FES: variants seen among roughly 807,000 people sequenced by gnomAD.
The protein encoded by FES is tyrosine-protein kinase Fes/Fps.
FES carries 83 observed loss-of-function variants against 109.6 expected under a neutral mutation model. That is an observed-to-expected ratio of 0.76 (90% CI 0.63 to 0.91). FES has a LOEUF of 0.91. FES is among the 40% of genes least tolerant of loss of function. The pLI is 0.00. For missense variants in FES, 943 were observed against 1,070.9 expected, an observed-to-expected ratio of 0.88 and a Z score of 1.67; for synonymous variants, 458 against 442.1, an observed-to-expected ratio of 1.04 and a Z score of -0.45.
intron 10 of FES, 60 bp from the exon 11 acceptor site, chr15:90,890,922 C>A: frequency 6.7e-7 from 1 of 1,488,788 alleles, no homozygotes. Flanking sequence ...CCCCCGGCTG[C>A]CCCCACGGCC....
chr15:90,888,983 G>C (rs1360025327), intron 5 of FES, among the ~76,000 whole-genome samples: 1 of 151,928 alleles, frequency 6.6e-6, no homozygotes, highest in African/African-American at 2.4e-5. Flanking sequence ...GTAGAGATGG[G>C]GTTTCACCAC....
rs757038304 is a variant in FES at position 90,886,932 on chromosome 15, C to T, written c.388-29C>T. 6.8e-5 allele frequency: 109 copies of T among 1,603,708 alleles called. 2 individuals are homozygous for T. The South Asian group carries it at 1.2e-3, about 17-fold the overall frequency. On this transcript the variant is annotated intron_variant, in intron 3 of 18. Coordinates refer to ENST00000328850, the MANE Select transcript of FES (RefSeq NM_002005.4). ...ATCTTCCACAACTGGGGACCTGCTG[C>T]CCCACACTGGCCTCTCCTCTCTCCC... is the stretch of plus-strand genomic sequence containing the variant.
rs779450173 is a variant in FES, at chr15:90,890,493, C to T, written c.1320+9C>T. The T allele has an allele frequency of 1.9e-5, 30 of 1,609,188 alleles. No homozygotes were observed. In the Middle Eastern group the frequency reaches 6.6e-4, roughly 35 times the overall value. Reference sequence around the variant, plus strand: ...TCCGCCCCAAGTTCTCGGTGAGTGGCGCCCAGCCTGGGCCCCCCTACTGTT... The same window carrying T: ...TCCGCCCCAAGTTCTCGGTGAGTGGTGCCCAGCCTGGGCCCCCCTACTGTT... On this transcript the variant is annotated intron_variant, in intron 10 of 18. Transcript: ENST00000328850.
Position 90,893,172 on chromosome 15 carries a change from C to G in FES, c.1899C>G (p.Tyr633Ter). Residue 633 changes from tyrosine (Y) to a stop codon, truncating the protein, a stop_gained, in exon 15 of 19, where the codon TAC (tyrosine) becomes TAG (stop). Transcript: ENST00000328850. LOFTEE classifies it high-confidence loss of function. Reference sequence around the variant, plus strand: ...TCTGCACCCAGAAGCAGCCCATCTACATCGTCATGGAGCTTGTGCAGGGTG... The same window carrying G: ...TCTGCACCCAGAAGCAGCCCATCTAGATCGTCATGGAGCTTGTGCAGGGTG... The part of the protein sequence containing the change: ...IGVCTQKQPI[Y>*]IVMELVQGGD... 6.2e-7 allele frequency: 1 copy of G among 1,614,018 alleles called. No individual in the cohort carries two copies. Among genetic ancestry groups the G allele is most frequent in the Non-Finnish European group, 8.5e-7 (1 of 1,179,978 alleles).
intron 12 of FES, 84 bp from the exon 13 acceptor site, chr15:90,891,974 C>T: frequency 6.4e-7 from 1 of 1,559,378 alleles, no homozygotes. Context: ...ATGGAGGCGC[C>T]AAAAAATGGA....
chr15:90,892,039 T>C lies in FES; in HGVS notation c.1654-19T>C, dbSNP rs758002134. The C allele has an allele frequency of 6.2e-6, 10 of 1,613,780 alleles. No individual in the cohort carries two copies. The East Asian group carries it at 8.9e-5, about 14-fold the overall frequency. ...CCTTTTCTTCAGACTTCTGATCCCC[T>C]GTCTCCTCTCTTCCCCAGGACAAGT... On this transcript the variant is annotated intron_variant, in intron 12 of 18. Coordinates refer to ENST00000328850, the MANE Select transcript of FES (RefSeq NM_002005.4).
intron 5 of FES, among the ~76,000 whole-genome samples, chr15:90,887,688 C>A (rs1021467512): frequency 2.6e-5 from 4 of 152,062 alleles, no homozygotes; most frequent in African/African-American, 9.7e-5. Context: ...ATGTGAGGAG[C>A]ACTAAGAGCC....
chr15:90,886,885 C>A, intron 3 of FES, 76 bp from the exon 4 acceptor site: 1 of 1,426,658 alleles, frequency 7.0e-7, no homozygotes, highest in Non-Finnish European at 9.9e-7. Context: ...AGGACCTTTC[C>A]AGGGCTTCAC....
At chr15:90,887,475 G>A in intron 5 of FES, 105 bp downstream of exon 5, 2 of 1,270,018 alleles carry the variant, frequency 1.6e-6, no homozygotes, top group African/African-American at 1.5e-5. Context: ...GGAAGGTGCT[G>A]GCCATGTAAC....
At chr15:90,894,411 C>T (rs1054726853) in intron 18 of FES, among the ~76,000 whole-genome samples, 2 of 152,048 alleles carry the variant, frequency 1.3e-5, no homozygotes, top group African/African-American at 4.8e-5. Context: ...ATGGTGAAAC[C>T]CCATCTCTAC....
chr15:90,887,583 T>C (rs1429957742), intron 5 of FES, among the ~76,000 whole-genome samples: 1 of 152,226 alleles, frequency 6.6e-6, no homozygotes, highest in Admixed American at 6.5e-5. Context: ...TTTATTACAT[T>C]CATTGAGCAC....
chr15:90,886,961 A>T lies in FES; in HGVS notation c.388A>T (p.Thr130Ser), dbSNP rs1185027689. Residue 130 changes from threonine to serine, a missense_variant and splice_region_variant, in exon 4 of 19, where the codon ACC becomes TCC. Coordinates refer to ENST00000328850, the MANE Select transcript of FES (RefSeq NM_002005.4). ...ACACTGGCCTCTCCTCTCTCCCTAGACCCACAGCCAGGACATTGAGAAGCT... is the reference window on the plus strand; with the variant it reads ...ACACTGGCCTCTCCTCTCTCCCTAGTCCCACAGCCAGGACATTGAGAAGCT... The part of the protein sequence containing the change: ...WQQLQQELTK[T>S]HSQDIEKLKS... The T allele has an allele frequency of 1.2e-6, 2 of 1,613,820 alleles. No homozygotes were observed. The highest frequency in any genetic ancestry group is 2.2e-5 in the South Asian group (2 of 91,082).
chr15:90,887,497 G>A lies in FES; in HGVS notation c.668+127G>A, dbSNP rs922794480. On this transcript the variant is annotated intron_variant, in intron 5 of 18. Transcript: ENST00000328850. ...GCTGGCCATGTAACCACATGAGAAC[G>A]GGACCTGGGCCAAGGATTGGAAACA... The A allele has an allele frequency of 3.6e-5, 36 of 1,001,760 alleles. No homozygotes were observed. The South Asian group carries it at 5.1e-4, about 14-fold the overall frequency. 62.1% of individuals were successfully genotyped at this position (1,001,760 alleles called of 1,614,324 possible).
intron 16 of FES, 71 bp downstream of exon 16, chr15:90,893,485 G>A (rs1279458112): frequency 2.0e-6 from 3 of 1,503,912 alleles, no homozygotes; most frequent in Non-Finnish European, 2.7e-6. Context: ...TACCCCTAGG[G>A]CCCCCCGCTG....
chr15:90,893,954 G>T lies in FES; in HGVS notation c.2222G>T (p.Ser741Ile). ...ALNYGRYSSESDVWSFGILLW... is the reference protein window; with the variant it reads ...ALNYGRYSSEIDVWSFGILLW... ...TCTGCAGGCCGCTACTCCTCCGAAA[G>T]CGACGTGTGGAGCTTTGGCATCTTG... The change falls in exon 18 of 19, where the codon AGC (serine) becomes ATC (isoleucine). Residue 741 changes from serine to isoleucine, a missense_variant. By Grantham distance (142) the Ser-to-Ile change is moderately radical. Coordinates refer to ENST00000328850, the MANE Select transcript of FES (RefSeq NM_002005.4). 6.2e-7 allele frequency: 1 copy of T among 1,613,788 alleles called. No homozygotes were observed. The highest frequency in any genetic ancestry group is 8.5e-7 in the Non-Finnish European group (1 of 1,179,998).
At chr15:90,895,290 GAGAACAGTGCATCCTTC>G (rs2033608614) in intron 18 of FES, 109 bp from the exon 19 acceptor site, 4 of 796,558 alleles carry the variant, frequency 5.0e-6, no homozygotes, top group South Asian at 3.6e-5. Flanking sequence ...GCCCTTGGTG[GAGAACAGTGCATCCTTC>G]AGAACAGTGC....
intron 3 of FES, among the ~76,000 whole-genome samples, chr15:90,886,095 A>G (rs1182729735): frequency 6.6e-6 from 1 of 152,150 alleles, no homozygotes; most frequent in East Asian, 1.9e-4. Flanking sequence ...TTTATCTGGG[A>G]GCCTAGTGCC....
rs1278348907 is a variant in FES, at chr15:90,895,431, G to T, written c.2342G>T (p.Cys781Phe). 2 of 1,569,236 alleles carry T rather than the reference G, an allele frequency of 1.3e-6. No individual in the cohort carries two copies. The highest frequency in any genetic ancestry group is 2.3e-5 in the East Asian group (1 of 42,612). Residue 781 changes from cysteine (C) to phenylalanine (F), a missense_variant, in exon 19 of 19, where the codon TGC becomes TTC. Physicochemically the swap from Cys to Phe is radical, Grantham distance 205. Coordinates refer to ENST00000328850, the MANE Select transcript of FES (RefSeq NM_002005.4). ...CTCCTCACAGGGGGCCGTCTGCCCT[G>T]CCCAGAGCTGTGTCCTGATGCCGTG... ...EFVEKGGRLP[C>F]PELCPDAVFR...
chr15:90,895,352 C>T, intron 18 of FES, 64 bp from the exon 19 acceptor site: 3 of 1,393,120 alleles, frequency 2.2e-6, no homozygotes, highest in Non-Finnish European at 2.9e-6. Flanking sequence ...TGGTATCCCC[C>T]AGAGTCTGCC....
Sources: gnomAD v4.1 joint callset for allele counts (sites outside exome capture counted in the v4.1 genomes callset) on GRCh38, gnomAD v4.1.1 for gene constraint, MANE v1.5 for transcripts, NCBI Gene and HGNC (gene_info 2026-07-23, HGNC 2026-07-21) for gene names.